The following P4HA3 variants were observed in gnomAD, a reference collection of about 807,000 sequenced individuals.
P4HA3 encodes the protein prolyl 4-hydroxylase subunit alpha-3.
P4HA3 carries 60 observed loss-of-function variants against 66.7 expected under a neutral mutation model. The ratio of observed to expected loss-of-function variants is 0.90; its 90% CI spans 0.73 to 1.12. The LOEUF (loss-of-function observed/expected upper bound fraction) is 1.12. Among genes scored for constraint, P4HA3 ranks in the 50% most tolerant of loss-of-function variants. P4HA3 has a pLI of 0.00. For missense variants in P4HA3, 683 were observed against 685.8 expected, an observed-to-expected ratio of 1.00 and a Z score of 0.05; for synonymous variants, 263 against 274.6, an observed-to-expected ratio of 0.96 and a Z score of 0.42.
chr11:74,291,614 C>T (rs1346500989), intron 4 of P4HA3, among the ~76,000 whole-genome samples: 4 of 152,122 alleles, frequency 2.6e-5, no homozygotes, highest in African/African-American at 9.7e-5. Context: ...TTTTGAGATA[C>T]GTCCATCAAT....
chr11:74,278,759 C>T (rs1431042330), intron 8 of P4HA3, among the ~76,000 whole-genome samples: 1 of 152,182 alleles, frequency 6.6e-6, no homozygotes, highest in East Asian at 1.9e-4. Flanking sequence ...CCAAATGATT[C>T]TGAATCACAG....
At chr11:74,289,757 C>T (rs1443089352) in intron 4 of P4HA3, among the ~76,000 whole-genome samples, 1 of 151,954 alleles carries the variant, frequency 6.6e-6, no homozygotes, top group East Asian at 1.9e-4. Flanking sequence ...CATCCATGTC[C>T]CTACAAAGGA....
chr11:74,276,663 G>A (rs1227125687), intron 9 of P4HA3, among the ~76,000 whole-genome samples: 2 of 152,146 alleles, frequency 1.3e-5, no homozygotes, highest in Admixed American at 6.5e-5. Context: ...AAGATGGCCA[G>A]TTGAGATCAT....
At chr11:74,306,626 A>C (rs1861588750) in intron 1 of P4HA3, among the ~76,000 whole-genome samples, 1 of 152,164 alleles carries the variant, frequency 6.6e-6, no homozygotes, top group Non-Finnish European at 1.5e-5. Flanking sequence ...ACAGAGATGA[A>C]AGTGAAAAAT....
At chr11:74,256,614 A>G (rs751483654) in intron 15 of P4HA3, among the ~76,000 whole-genome samples, 1 of 152,168 alleles carries the variant, frequency 6.6e-6, no homozygotes, top group Non-Finnish European at 1.5e-5. Context: ...GTCCTTGCAG[A>G]GCCTACAGAT....
chr11:74,284,243 A>T (rs1860703520), intron 7 of P4HA3, among the ~76,000 whole-genome samples: 1 of 152,248 alleles, frequency 6.6e-6, no homozygotes, highest in Admixed American at 6.5e-5. Flanking sequence ...ATTGACATCC[A>T]GCTTGGCTTG....
At chr11:74,289,917 T>C (rs1425472568) in intron 4 of P4HA3, among the ~76,000 whole-genome samples, 3 of 152,322 alleles carry the variant, frequency 2.0e-5, no homozygotes, top group South Asian at 2.1e-4. Context: ...TGTGCATGTG[T>C]CTTTATAGCA....
chr11:74,301,669 CA>C (rs1359426988), intron 3 of P4HA3, among the ~76,000 whole-genome samples: 1 of 152,052 alleles, frequency 6.6e-6, no homozygotes, highest in African/African-American at 2.4e-5. Context: ...CTTTTTATAG[CA>C]AAGGCTGGCA....
chr11:74,292,477 C>A (rs573135790), intron 4 of P4HA3, among the ~76,000 whole-genome samples: 1 of 152,050 alleles, frequency 6.6e-6, no homozygotes, highest in Non-Finnish European at 1.5e-5. Context: ...TTATTTCTTG[C>A]CTTCTGCTAG....
intron 11 of P4HA3, among the ~76,000 whole-genome samples, chr11:74,268,837 C>G (rs773557963): frequency 3.9e-5 from 6 of 152,158 alleles, no homozygotes; most frequent in African/African-American, 9.7e-5. Flanking sequence ...GTTTTTCCCC[C>G]ATACACGGCT....
intron 4 of P4HA3, among the ~76,000 whole-genome samples, chr11:74,291,197 C>G (rs1476859086): frequency 1.3e-5 from 2 of 152,072 alleles, no homozygotes; most frequent in African/African-American, 2.4e-5. Context: ...ATTTTATTCT[C>G]TTTGAAGCAA....
rs761068584 is a variant in P4HA3 at position 74,289,061 on chromosome 11, C to T, written c.769+18G>A. 13 of 1,517,432 alleles carry T rather than the reference C, an allele frequency of 8.6e-6. No individual in the cohort carries two copies. The South Asian group carries it at 1.6e-4, about 19-fold the overall frequency. 94.0% of individuals were successfully genotyped at this position (1,517,432 alleles called of 1,614,324 possible). A position where few individuals can be genotyped will look rare whatever the true frequency, so the allele number is the denominator to read the frequency against. On this transcript the variant is annotated intron_variant, in intron 5 of 12. Coordinates refer to ENST00000331597, the MANE Select transcript of P4HA3 (RefSeq NM_182904.5). Reference sequence around the variant, plus strand: ...TAAATCAGACCTGTGGCTGGCTTATCTTTTATCCATTACGTACTGTAGAGA... The same window carrying T: ...TAAATCAGACCTGTGGCTGGCTTATTTTTTATCCATTACGTACTGTAGAGA...
intron 1 of P4HA3, among the ~76,000 whole-genome samples, chr11:74,310,947 C>T (rs1861720476): frequency 6.6e-6 from 1 of 152,228 alleles, no homozygotes; most frequent in East Asian, 1.9e-4. Context: ...CCATGTCACT[C>T]TCACAGTGTC....
intron 8 of P4HA3, among the ~76,000 whole-genome samples, chr11:74,277,945 CA>C (rs1297357010): frequency 6.6e-6 from 1 of 152,168 alleles, no homozygotes; most frequent in Non-Finnish European, 1.5e-5. Flanking sequence ...TTCATTCTTT[CA>C]AATAGAGTGC....
Position 74,273,563 on chromosome 11 carries a change from A to G in P4HA3, c.1380T>C (p.Val460=). The part of the protein sequence containing the change: ...PLYRMKSGNR[V]ATFMIYLSSV... ...TACTCACATAGATCATAAATGTTGC[A>G]ACTCGGTTTCCTGACTTCATTCTGT... Residue 460 remains valine (V), a synonymous_variant, in exon 10 of 13, where the codon GTT becomes GTC. Transcript: ENST00000331597. The G allele has an allele frequency of 6.4e-7, 1 of 1,562,108 alleles. No individual in the cohort carries two copies. The highest frequency in any genetic ancestry group is 8.6e-7 in the Non-Finnish European group (1 of 1,156,760).
chr11:74,280,149 A>AATT (rs950243740), intron 7 of P4HA3, among the ~76,000 whole-genome samples: 1 of 151,992 alleles, frequency 6.6e-6, no homozygotes, highest in Non-Finnish European at 1.5e-5. Context: ...ATAGCATTTA[A>AATT]ATTATTATTA....
intron 9 of P4HA3, among the ~76,000 whole-genome samples, chr11:74,273,922 T>A (rs967184640): frequency 6.6e-6 from 1 of 152,102 alleles, no homozygotes; most frequent in African/African-American, 2.4e-5. Context: ...AATTAATATA[T>A]AAAATATTAC....
chr11:74,295,164 C>T lies in P4HA3; in HGVS notation c.717+3048G>A, dbSNP rs549705565. 3.9e-5 allele frequency among the ~76,000 whole-genome samples: 6 copies of T among 152,162 alleles called. No homozygotes were observed. In the Middle Eastern group the frequency reaches 0.017, roughly 431 times the overall value. ...TATAACTGAAGTTAAATATATTTAA[C>T]CCAATGTGGAACTATAAAAACCCTA... On this transcript the variant is annotated intron_variant, in intron 4 of 12. Transcript: ENST00000331597.
chr11:74,278,899 G>C (rs932997335), intron 8 of P4HA3, among the ~76,000 whole-genome samples: 2 of 152,242 alleles, frequency 1.3e-5, no homozygotes, highest in East Asian at 3.9e-4. Flanking sequence ...GCTGCAGTGG[G>C]GGGTGGGCAG....
Sources: gnomAD v4.1 joint callset for allele counts (sites outside exome capture counted in the v4.1 genomes callset) on GRCh38, gnomAD v4.1.1 for gene constraint, MANE v1.5 for transcripts, NCBI Gene and HGNC (gene_info 2026-07-23, HGNC 2026-07-21) for gene names.